The following DCP2 variants were observed in gnomAD, a reference collection of about 807,000 sequenced individuals.
DCP2 encodes decapping mRNA 2, also known as m7GpppN-mRNA hydrolase.
A neutral mutation model predicts 56.1 loss-of-function variants in DCP2; 30 were observed. The ratio of observed to expected loss-of-function variants is 0.53; its 90% CI spans 0.40 to 0.73. DCP2 has a LOEUF of 0.73. Ranked by LOEUF, DCP2 falls within the 30% of genes least tolerant of loss-of-function variation. DCP2 has a pLI of 0.00. For missense variants in DCP2, 533 were observed against 502.7 expected, an observed-to-expected ratio of 1.06 and a Z score of -0.58; for synonymous variants, 197 against 163.3, an observed-to-expected ratio of 1.21 and a Z score of -1.57.
chr5:112,978,418 G>A (rs530860023), intron 1 of DCP2, among the ~76,000 whole-genome samples: 94 of 152,114 alleles, frequency 6.2e-4, no homozygotes, highest in Non-Finnish European at 1.2e-3. Flanking sequence ...TTTACATAAG[G>A]TCACATTCAT....
At chr5:112,981,070 A>G (rs1156790725) in intron 1 of DCP2, among the ~76,000 whole-genome samples, 2 of 151,978 alleles carry the variant, frequency 1.3e-5, no homozygotes, top group Non-Finnish European at 2.9e-5. Context: ...TTGCCCAGGC[A>G]TGATCATAGC....
In DCP2 at chr5:112,977,535, C is replaced by CT. The variant is rs530016504; in HGVS notation, c.53+558dup. Among the ~76,000 whole-genome samples, 408 of 151,930 alleles carry CT rather than the reference C, an allele frequency of 2.7e-3. 6 individuals are homozygous for CT. The highest frequency in any genetic ancestry group is 8.8e-3 in the African/African-American group (363 of 41,432). ...CTCTGTAAATTCCTGTAAGGAATTACTTTTTTTTTCTCATCCCTGGACTTG... is the reference window on the plus strand; with the variant it reads ...CTCTGTAAATTCCTGTAAGGAATTACTTTTTTTTTTCTCATCCCTGGACTTG... On this transcript the variant is annotated intron_variant, in intron 1 of 10. Transcript: ENST00000389063.
chr5:113,001,210 A>G lies in DCP2; in HGVS notation c.559A>G (p.Asn187Asp), dbSNP rs767770193. 5.6e-6 allele frequency: 9 copies of G among 1,613,534 alleles called. No individual in the cohort carries two copies. The Admixed American group carries it at 1.3e-4, about 24-fold the overall frequency. ...AGGAATTCCAAAAGACACAAAATTT[A>G]ACCCAAAAACTAGAAGAGAAATTCG... ...IPGIPKDTKF[N>D]PKTRREIRNI... Residue 187 changes from asparagine (N) to aspartate (D), a missense_variant, in exon 5 of 11, where the codon AAC becomes GAC. By Grantham distance (23) the Asn-to-Asp change is conservative. Transcript: ENST00000389063.
chr5:113,017,405 G>A lies in DCP2; in HGVS notation c.*3921G>A, dbSNP rs1219304435. 1 of 152,212 alleles carries A rather than the reference G, an allele frequency of 6.6e-6. No individual in the cohort carries two copies. Among genetic ancestry groups the A allele is most frequent in the Admixed American group, 6.5e-5 (1 of 15,286 alleles). The allele number at this position is 152,212 out of a possible 1,614,324, so 9.4% of individuals were successfully genotyped here. On this transcript the variant is annotated 3_prime_UTR_variant, in exon 11 of 11. Coordinates refer to ENST00000389063, the MANE Select transcript of DCP2 (RefSeq NM_152624.6). ...ACAGTACTCCTGACAGCTTGGTAAA[G>A]TCTAGGTAGAGTTTCTGATTTTGTA...
chr5:112,988,354 T>C (rs982232518), intron 2 of DCP2, among the ~76,000 whole-genome samples: 6 of 148,388 alleles, frequency 4.0e-5, no homozygotes, highest in South Asian at 2.1e-4. Context: ...TAGCTGGGCG[T>C]GGTGGCGGGC....
At chr5:113,006,914 C>G (rs908976524) in intron 8 of DCP2, among the ~76,000 whole-genome samples, 1 of 152,082 alleles carries the variant, frequency 6.6e-6, no homozygotes, top group Admixed American at 6.6e-5. Context: ...GGGTGGATCA[C>G]TTGAGGTCAG....
Position 113,001,590 on chromosome 5 carries a change from G to C in DCP2, c.722G>C (p.Arg241Pro). The C allele has an allele frequency of 6.2e-7, 1 of 1,614,122 alleles. No homozygotes were observed. ...FIRPLRDWLS[R>P]RFGDSSDSDN... ...AGACCATTAAGGGACTGGCTTTCTC[G>C]AAGATTTGGCGATTCCTCAGACAGT... Residue 241 changes from arginine to proline, a missense_variant, in exon 7 of 11, where the codon CGA (arginine) becomes CCA (proline). By Grantham distance (103) the Arg-to-Pro change is moderately radical. Coordinates refer to ENST00000389063, the MANE Select transcript of DCP2 (RefSeq NM_152624.6).
At chr5:112,984,701 A>ATATATATATATATATATATATATATAT (rs1181496332) in intron 1 of DCP2, 33 of 79,504 alleles carry the variant, frequency 4.2e-4, no homozygotes, top group African/African-American at 9.6e-4. Context: ...AAAAAAAAAA[A>ATATATATATATATATATATATATATAT]AAATATATAT....
chr5:112,983,555 T>TA (rs1748109604), intron 1 of DCP2, among the ~76,000 whole-genome samples: 1 of 152,180 alleles, frequency 6.6e-6, no homozygotes, highest in Admixed American at 6.5e-5. Context: ...AGGATTGACT[T>TA]ACGAGACCTT....
chr5:113,008,824 T>A (rs759438694), intron 9 of DCP2, among the ~76,000 whole-genome samples: 6 of 151,628 alleles, frequency 4.0e-5, no homozygotes, highest in Non-Finnish European at 7.4e-5. Flanking sequence ...TCAACAGCTG[T>A]TTTTAACAAA....
In DCP2 at chr5:113,022,158, A is replaced by T. The variant is rs1159483443; in HGVS notation, c.*8674A>T. 1 of 152,648 alleles carries T rather than the reference A, an allele frequency of 6.6e-6. No individual in the cohort carries two copies. The highest frequency in any genetic ancestry group is 1.5e-5 in the Non-Finnish European group (1 of 68,042). The allele number at this position is 152,648 out of a possible 1,614,324, so 9.5% of individuals were successfully genotyped here. On this transcript the variant is annotated 3_prime_UTR_variant, in exon 11 of 11. Coordinates refer to ENST00000389063, the MANE Select transcript of DCP2 (RefSeq NM_152624.6). ...TAAGAATGTTTGTAAAATATTATAA[A>T]TGTCTCTGTATAAATAAATGGAGTT...
intron 1 of DCP2, 93 bp downstream of exon 1, chr5:112,977,079 C>A (rs2095580669): frequency 2.1e-6 from 2 of 971,162 alleles, no homozygotes; most frequent in African/African-American, 3.4e-5. Flanking sequence ...CCGCCCACGT[C>A]CATGTCCTCG....
chr5:112,978,503 G>A (rs1580786405), intron 1 of DCP2, among the ~76,000 whole-genome samples: 1 of 152,056 alleles, frequency 6.6e-6, no homozygotes, highest in East Asian at 1.9e-4. Flanking sequence ...CTCATACCAA[G>A]GAGAAGTAAT....
chr5:113,005,875 G>C (rs1323933024), intron 8 of DCP2, among the ~76,000 whole-genome samples: 1 of 152,196 alleles, frequency 6.6e-6, no homozygotes, highest in Non-Finnish European at 1.5e-5. Context: ...GCTCATACCT[G>C]TAATCCCATC....
chr5:113,014,996 T>A lies in DCP2; in HGVS notation c.*1512T>A, dbSNP rs796465573. ...CTTGATTTTAAAGGAGAAATTCTAT[T>A]TATTAATGAAAGTGTCACCCTTTTG... On this transcript the variant is annotated 3_prime_UTR_variant, in exon 11 of 11. Coordinates refer to ENST00000389063, the MANE Select transcript of DCP2 (RefSeq NM_152624.6). The A allele has an allele frequency of 2.0e-5, 3 of 152,768 alleles. No homozygotes were observed. The highest frequency in any genetic ancestry group is 7.2e-5 in the African/African-American group (3 of 41,574). 9.5% of individuals were successfully genotyped at this position (152,768 alleles called of 1,614,324 possible). A position where few individuals can be genotyped will look rare whatever the true frequency, so the allele number is the denominator to read the frequency against.
At chr5:113,000,340 T>A (rs924506821) in intron 4 of DCP2, among the ~76,000 whole-genome samples, 1 of 151,298 alleles carries the variant, frequency 6.6e-6, no homozygotes, top group Non-Finnish European at 1.5e-5. Flanking sequence ...AGTACTGAGA[T>A]TGCAGGTGTG....
chr5:113,011,767 C>CA (rs968535159), intron 10 of DCP2, among the ~76,000 whole-genome samples: 28 of 151,758 alleles, frequency 1.8e-4, no homozygotes, highest in South Asian at 6.2e-4. Flanking sequence ...CGGTCATATC[C>CA]AAAAAAAAGT....
Position 113,004,683 on chromosome 5 carries a change from TTGAG to T in DCP2, c.942+608_942+611del, listed in dbSNP as rs1488939590. ...TGGATCACTGGATATGCCTGTGTTA[TTGAG>T]TATCTATTTGCTAATTTACTCAAGT... is the stretch of plus-strand genomic sequence containing the variant. On this transcript the variant is annotated intron_variant, in intron 8 of 10. Coordinates refer to ENST00000389063, the MANE Select transcript of DCP2 (RefSeq NM_152624.6). 5.3e-5 allele frequency among the ~76,000 whole-genome samples: 8 copies of T among 152,374 alleles called. No individual in the cohort carries two copies. In the South Asian group the frequency reaches 6.2e-4, roughly 12 times the overall value.
rs371696412 is a variant in DCP2 at position 113,008,055 on chromosome 5, G to A, written c.1047+13G>A. The A allele has an allele frequency of 2.9e-4, 470 of 1,604,684 alleles. No individual in the cohort carries two copies. Among genetic ancestry groups the A allele is most frequent in the Non-Finnish European group, 3.8e-4 (445 of 1,172,254 alleles). ...GAATTCTTTGATGGTAAGAGTTATA[G>A]CTGTCACACTAAGTAGGCAGTTCAT... is the stretch of plus-strand genomic sequence containing the variant. On this transcript the variant is annotated intron_variant, in intron 9 of 10. Coordinates refer to ENST00000389063, the MANE Select transcript of DCP2 (RefSeq NM_152624.6).
Sources: gnomAD v4.1 joint callset for allele counts (sites outside exome capture counted in the v4.1 genomes callset) on GRCh38, gnomAD v4.1.1 for gene constraint, MANE v1.5 for transcripts, NCBI Gene and HGNC (gene_info 2026-07-23, HGNC 2026-07-21) for gene names.